Variants in COMMD10 observed in about 807,000 individuals in gnomAD.
COMMD10 encodes the protein COMM domain-containing protein 10.
In COMMD10, 33 loss-of-function variants were observed where a neutral mutation model predicts 28.9. The observed-to-expected ratio is 1.14, with a 90% CI of 0.87 to 1.53. The LOEUF is 1.53. Among genes scored for constraint, COMMD10 ranks in the 40% most tolerant of loss-of-function variants. The pLI is 0.00. For synonymous variants in COMMD10, 110 were observed against 81.7 expected, an observed-to-expected ratio of 1.35 and a Z score of -1.87; for missense variants, 310 against 233.4, an observed-to-expected ratio of 1.33 and a Z score of -2.14.
At chr5:116,268,697 C>T (rs1044358659) in intron 5 of COMMD10, among the ~76,000 whole-genome samples, 2 of 151,810 alleles carry the variant, frequency 1.3e-5, no homozygotes, top group African/African-American at 4.9e-5. Context: ...GGAACCAACC[C>T]AAATGCCCAT....
chr5:116,096,492 G>GT (rs1324971596), intron 4 of COMMD10, among the ~76,000 whole-genome samples: 17 of 151,848 alleles, frequency 1.1e-4, no homozygotes, highest in African/African-American at 3.4e-4. Context: ...TTTCTTATAG[G>GT]TTTTTTGTGA....
At chr5:116,206,034 A>T (rs1748803587) in intron 5 of COMMD10, among the ~76,000 whole-genome samples, 1 of 152,194 alleles carries the variant, frequency 6.6e-6, no homozygotes, top group Non-Finnish European at 1.5e-5. Flanking sequence ...ATAAAATTTC[A>T]TCATACTTAA....
Position 116,267,611 on chromosome 5 carries a change from A to G in COMMD10, c.511-23906A>G, listed in dbSNP as rs1580598361. Among the ~76,000 whole-genome samples, 5 of 152,068 alleles carry G rather than the reference A, an allele frequency of 3.3e-5. No homozygotes were observed. The South Asian group carries it at 1.0e-3, about 32-fold the overall frequency. ...TGGAAAAAACTACTTTAAAGTTCAT[A>G]TGGAACCAAAAAAGAGCCTGCATTG... On this transcript the variant is annotated intron_variant, in intron 5 of 6. Transcript: ENST00000274458.
chr5:116,215,452 G>A (rs562421035), intron 5 of COMMD10, among the ~76,000 whole-genome samples: 1 of 151,392 alleles, frequency 6.6e-6, no homozygotes, highest in Admixed American at 6.6e-5. Flanking sequence ...ACTTTGGGAG[G>A]CCAAGGCTGG....
intron 5 of COMMD10, among the ~76,000 whole-genome samples, chr5:116,228,058 A>T (rs1339815349): frequency 6.6e-6 from 1 of 151,950 alleles, no homozygotes; most frequent in Non-Finnish European, 1.5e-5. Context: ...GAGGTAGGAG[A>T]TTTTTTTCAT....
In COMMD10 at chr5:116,134,391, T is replaced by G. The variant is rs182435338; in HGVS notation, c.510+213T>G. On this transcript the variant is annotated intron_variant, in intron 5 of 6. Transcript: ENST00000274458. ...TAATGTCTTCTTTTAAATTCTGCAG[T>G]GAAAAAAAATTGTTGAAGACCATAT... Among the ~76,000 whole-genome samples the G allele has an allele frequency of 7.3e-5, 11 of 151,422 alleles. No individual in the cohort carries two copies. In the East Asian group the frequency reaches 2.2e-3, roughly 30 times the overall value.
At chr5:116,109,203 C>T (rs1750956140) in intron 4 of COMMD10, among the ~76,000 whole-genome samples, 1 of 152,130 alleles carries the variant, frequency 6.6e-6, no homozygotes, top group African/African-American at 2.4e-5. Context: ...GATGTTTTTC[C>T]ATTTGTTTGT....
chr5:116,287,783 T>C (rs1440309177), intron 5 of COMMD10, among the ~76,000 whole-genome samples: 1 of 151,756 alleles, frequency 6.6e-6, no homozygotes, highest in Non-Finnish European at 1.5e-5. Flanking sequence ...CATCTCAAAG[T>C]TATAGTATTC....
chr5:116,273,995 A>G (rs1346357873), intron 5 of COMMD10, among the ~76,000 whole-genome samples: 1 of 151,758 alleles, frequency 6.6e-6, no homozygotes, highest in Admixed American at 6.6e-5. Context: ...CATAAAATGT[A>G]TGTAAATATG....
intron 5 of COMMD10, among the ~76,000 whole-genome samples, chr5:116,267,568 T>A (rs1030075984): frequency 6.6e-6 from 1 of 151,862 alleles, no homozygotes; most frequent in South Asian, 2.1e-4. Context: ...AAGCTACCAC[T>A]GACTTTCTTC....
intron 4 of COMMD10, among the ~76,000 whole-genome samples, chr5:116,095,068 A>G (rs1165574216): frequency 6.6e-6 from 1 of 152,164 alleles, no homozygotes; most frequent in African/African-American, 2.4e-5. Context: ...GTTAATGGGT[A>G]CAAACATATA....
At chr5:116,123,026 T>G (rs957177760) in intron 4 of COMMD10, among the ~76,000 whole-genome samples, 1 of 152,066 alleles carries the variant, frequency 6.6e-6, no homozygotes, top group Non-Finnish European at 1.5e-5. Flanking sequence ...TGAATAGGAG[T>G]GGTGAGAAAG....
At chr5:116,101,703 C>G (rs181439628) in intron 4 of COMMD10, among the ~76,000 whole-genome samples, 2 of 152,188 alleles carry the variant, frequency 1.3e-5, no homozygotes, top group Admixed American at 1.3e-4. Context: ...GGCTTACAGG[C>G]GTGAGCCACT....
Position 116,216,881 on chromosome 5 carries a change from T to G in COMMD10, c.511-74636T>G, listed in dbSNP as rs529872137. Reference sequence around the variant, plus strand: ...GGATATAAATTAATCATATCAATTCTAAATTACAGTTTAGTTAACATTTTT... The same window carrying G: ...GGATATAAATTAATCATATCAATTCGAAATTACAGTTTAGTTAACATTTTT... On this transcript the variant is annotated intron_variant, in intron 5 of 6. Coordinates refer to ENST00000274458, the MANE Select transcript of COMMD10 (RefSeq NM_016144.4). Among the ~76,000 whole-genome samples the G allele has an allele frequency of 2.0e-3, 311 of 152,286 alleles. 4 individuals carry two copies. Among genetic ancestry groups the G allele is most frequent in the African/African-American group, 7.2e-3 (298 of 41,560 alleles).
chr5:116,237,654 A>AG (rs1491161322), intron 5 of COMMD10, among the ~76,000 whole-genome samples: 1 of 152,174 alleles, frequency 6.6e-6, no homozygotes, highest in East Asian at 1.9e-4. Flanking sequence ...TAGAAAAAAA[A>AG]GAGGCAAGAT....
chr5:116,259,097 T>G (rs1299360735), intron 5 of COMMD10, among the ~76,000 whole-genome samples: 6 of 149,578 alleles, frequency 4.0e-5, no homozygotes, highest in East Asian at 2.0e-4. Context: ...GAGTCTCGCT[T>G]TCTCACCCAG....
chr5:116,233,914 A>G (rs187264125), intron 5 of COMMD10, among the ~76,000 whole-genome samples: 265 of 152,304 alleles, frequency 1.7e-3, no homozygotes, highest in African/African-American at 6.0e-3. Flanking sequence ...TCAAACCTCA[A>G]AATGTTGAGA....
At chr5:116,160,135 A>C (rs892271860) in intron 5 of COMMD10, among the ~76,000 whole-genome samples, 1 of 152,158 alleles carries the variant, frequency 6.6e-6, no homozygotes, top group African/African-American at 2.4e-5. Context: ...TGCCTCCTTT[A>C]CTAGACCCTT....
At chr5:116,087,420 A>C in intron 1 of COMMD10, 77 bp from the exon 2 acceptor site, 1 of 865,850 alleles carries the variant, frequency 1.2e-6, no homozygotes, top group Admixed American at 1.8e-5. Context: ...TTGGAATGAA[A>C]ACTTATAGAC....
Sources: allele counts gnomAD v4.1 joint callset (sites outside exome capture counted in the v4.1 genomes callset), GRCh38; gene constraint gnomAD v4.1.1; transcripts MANE v1.5; gene names NCBI Gene and HGNC (gene_info 2026-07-23, HGNC 2026-07-21).